The following ARHGAP15 variants were observed in gnomAD, a reference collection of about 807,000 sequenced individuals.
ARHGAP15 encodes the protein Rho GTPase activating protein 15.
A neutral mutation model predicts 63.7 loss-of-function variants in ARHGAP15; 51 were observed. The observed-to-expected ratio is 0.80, with a 90% CI of 0.64 to 1.01. The LOEUF is 1.01. ARHGAP15 is among the 50% of genes least tolerant of loss of function. The pLI is 0.00. For missense variants in ARHGAP15, 560 were observed against 564.6 expected (o/e 0.99, Z 0.08); for synonymous variants, 191 against 193.8 (o/e 0.99, Z 0.12).
chr2:143,299,277 T>C (rs1682789087), intron 6 of ARHGAP15, among the ~76,000 whole-genome samples: 1 of 151,792 alleles, frequency 6.6e-6, no homozygotes, highest in Non-Finnish European at 1.5e-5. Flanking sequence ...AGAGACAGAG[T>C]CAAACCTCAC....
chr2:143,441,828 T>C (rs4343417), intron 8 of ARHGAP15, among the ~76,000 whole-genome samples: 135,305 of 152,192 alleles, frequency 0.89, 60,527 homozygotes, highest in Middle Eastern at 0.97. Flanking sequence ...TAAGTTATCA[T>C]AAAAAACAAA....
At chr2:143,435,422 C>G in intron 6 of ARHGAP15, 179 bp from the exon 7 acceptor site, 1 of 1,214,844 alleles carries the variant, frequency 8.2e-7, no homozygotes, top group South Asian at 2.1e-5. Flanking sequence ...ACGTGAAAAA[C>G]AGTTTATAGA....
At chr2:143,342,261 C>T (rs1685090580) in intron 6 of ARHGAP15, among the ~76,000 whole-genome samples, 1 of 151,788 alleles carries the variant, frequency 6.6e-6, no homozygotes, top group African/African-American at 2.4e-5. Flanking sequence ...AGTGTTTTCT[C>T]AAAAAGAAAG....
At chr2:143,329,322 T>C (rs558530085) in intron 6 of ARHGAP15, among the ~76,000 whole-genome samples, 1 of 152,346 alleles carries the variant, frequency 6.6e-6, no homozygotes, top group South Asian at 2.1e-4. Context: ...CATTTCATCA[T>C]GTAAGTTCTT....
intron 6 of ARHGAP15, among the ~76,000 whole-genome samples, chr2:143,273,606 T>C (rs1287046756): frequency 6.6e-6 from 1 of 152,180 alleles, no homozygotes; most frequent in Non-Finnish European, 1.5e-5. Flanking sequence ...TAAAAAATCA[T>C]AATGCATGTC....
chr2:143,647,211 G>T (rs533418872), intron 12 of ARHGAP15, among the ~76,000 whole-genome samples: 1 of 151,882 alleles, frequency 6.6e-6, no homozygotes, highest in Non-Finnish European at 1.5e-5. Context: ...TACATGTGGT[G>T]GGTATGAGTG....
intron 8 of ARHGAP15, among the ~76,000 whole-genome samples, chr2:143,471,068 TG>T (rs1691528749): frequency 6.8e-6 from 1 of 147,098 alleles, no homozygotes; most frequent in Admixed American, 6.7e-5. Context: ...TATACACATA[TG>T]ATACACATGT....
intron 1 of ARHGAP15, among the ~76,000 whole-genome samples, chr2:143,135,846 T>C (rs1175105822): frequency 1.3e-5 from 2 of 152,222 alleles, no homozygotes; most frequent in East Asian, 3.8e-4. Flanking sequence ...TCTACTTGTC[T>C]TCTAGGTTTA....
intron 6 of ARHGAP15, among the ~76,000 whole-genome samples, chr2:143,413,956 T>C (rs1347981045): frequency 2.0e-4 from 19 of 93,544 alleles, no homozygotes; most frequent in South Asian, 9.3e-4. Flanking sequence ...TGTGTGTGTG[T>C]GTGTGTGTGT....
chr2:143,260,738 T>C (rs937870217), intron 6 of ARHGAP15, among the ~76,000 whole-genome samples: 1 of 152,174 alleles, frequency 6.6e-6, no homozygotes, highest in Non-Finnish European at 1.5e-5. Flanking sequence ...TGATATTCCC[T>C]TTGTTACTAG....
At chr2:143,265,049 A>C (rs569524424) in intron 6 of ARHGAP15, among the ~76,000 whole-genome samples, 1 of 152,162 alleles carries the variant, frequency 6.6e-6, no homozygotes, top group Non-Finnish European at 1.5e-5. Flanking sequence ...TTAGAATCAC[A>C]TTGGGCTTTC....
At chr2:143,466,640 C>CT (rs1553485111) in intron 8 of ARHGAP15, among the ~76,000 whole-genome samples, 1 of 152,192 alleles carries the variant, frequency 6.6e-6, no homozygotes, top group East Asian at 1.9e-4. Flanking sequence ...ATTCCATCCT[C>CT]TTTTTTGTGC....
At chr2:143,469,966 T>C (rs78689994) in intron 8 of ARHGAP15, among the ~76,000 whole-genome samples, 3 of 149,638 alleles carry the variant, frequency 2.0e-5, no homozygotes, top group African/African-American at 7.3e-5. Flanking sequence ...TCTTTTTTTT[T>C]CTCTCTCTCT....
intron 9 of ARHGAP15, among the ~76,000 whole-genome samples, chr2:143,508,270 T>C (rs1411773394): frequency 6.6e-6 from 1 of 152,244 alleles, no homozygotes; most frequent in Non-Finnish European, 1.5e-5. Flanking sequence ...TCCCCTTGTA[T>C]GTACATGGCT....
intron 13 of ARHGAP15, among the ~76,000 whole-genome samples, chr2:143,723,347 A>C (rs923689238): frequency 6.6e-6 from 1 of 152,116 alleles, no homozygotes; most frequent in African/African-American, 2.4e-5. Flanking sequence ...CTGAAGGAGG[A>C]GGCTGGGGCT....
At chr2:143,519,223 C>A in intron 9 of ARHGAP15, 43 bp from the exon 10 acceptor site, 2 of 1,425,056 alleles carry the variant, frequency 1.4e-6, no homozygotes, top group Non-Finnish European at 2.0e-6. Flanking sequence ...AAGAACAACG[C>A]AAGCTTGGAT....
intron 1 of ARHGAP15, among the ~76,000 whole-genome samples, chr2:143,130,844 T>C (rs1255930463): frequency 6.6e-6 from 1 of 152,202 alleles, no homozygotes. Flanking sequence ...GAAAGCATTA[T>C]TTAAATCTGT....
rs1397720611 is a variant in ARHGAP15 at position 143,614,114 on chromosome 2, C to G, written c.1004-10019C>G. On this transcript the variant is annotated intron_variant, in intron 11 of 13. Transcript: ENST00000295095. ...ATTTTTCTTCATCTCTTCTCTTCCT[C>G]TCTCCCAGCTCCTGCACCACCCTCA... Among the ~76,000 whole-genome samples the G allele has an allele frequency of 2.0e-5, 3 of 152,138 alleles. 1 individual carries two copies. Among genetic ancestry groups the G allele is most frequent in the Non-Finnish European group, 4.4e-5 (3 of 68,034 alleles).
intron 6 of ARHGAP15, among the ~76,000 whole-genome samples, chr2:143,300,683 C>T (rs1033504251): frequency 3.3e-5 from 5 of 152,070 alleles, no homozygotes; most frequent in East Asian, 1.9e-4. Context: ...ACAAGACACA[C>T]AGCTACTTAC....
Sources: gnomAD v4.1 joint callset for allele counts (sites outside exome capture counted in the v4.1 genomes callset) on GRCh38, gnomAD v4.1.1 for gene constraint, MANE v1.5 for transcripts, NCBI Gene and HGNC (gene_info 2026-07-23, HGNC 2026-07-21) for gene names.